The following DMXL2 variants were observed in gnomAD, a reference collection of about 807,000 sequenced individuals.
DMXL2 encodes dmX-like protein 2.
Under a neutral mutation model 331.1 loss-of-function variants are expected in DMXL2, and 103 were observed. The ratio of observed to expected loss-of-function variants is 0.31; its 90% CI spans 0.27 to 0.37. The LOEUF (loss-of-function observed/expected upper bound fraction) is 0.37. Ranked by LOEUF, DMXL2 falls within the 10% of genes least tolerant of loss-of-function variation. DMXL2 has a pLI of 1.00. For missense variants in DMXL2, 3,171 were observed against 3,642.9 expected (o/e 0.87, Z 3.33); for synonymous variants, 1,281 against 1,252.1 (o/e 1.02, Z -0.49).
intron 12 of DMXL2, 80 bp downstream of exon 12, chr15:51,536,083 GACA>G (rs1270895027): frequency 8.1e-7 from 1 of 1,234,292 alleles, no homozygotes; most frequent in East Asian, 2.6e-5. Context: ...AAATCTTAAT[GACA>G]ACAAATATAA....
Position 51,565,141 on chromosome 15 carries a change from G to T in DMXL2, c.311C>A (p.Thr104Asn). ...NCQLKCQWLK[T>N]GQFFLSSVTY... The stretch of plus-strand genomic sequence containing the variant: ...CACAGAACTCAAAAAAAACTGCCCA[G>T]TTTTAAGCCACTGGCACTTGAGTTG... Residue 104 changes from threonine to asparagine, a missense_variant, in exon 4 of 44, where the codon ACT becomes AAT. Thr to Asn is a moderately conservative substitution (Grantham distance 65). Coordinates refer to ENST00000560891, the MANE Select transcript of DMXL2 (RefSeq NM_001378457.1). The T allele has an allele frequency of 6.3e-7, 1 of 1,583,162 alleles. No individual in the cohort carries two copies.
At chr15:51,570,643 A>G (rs1289876022) in intron 2 of DMXL2, among the ~76,000 whole-genome samples, 1 of 152,192 alleles carries the variant, frequency 6.6e-6, no homozygotes. Flanking sequence ...AATATTCAAC[A>G]TTCTTAAAGA....
intron 9 of DMXL2, among the ~76,000 whole-genome samples, chr15:51,539,483 T>C (rs376879445): frequency 1.9e-4 from 29 of 152,282 alleles, no homozygotes; most frequent in African/African-American, 6.7e-4. Flanking sequence ...TTGAGGTAAC[T>C]GAAATTTATG....
At chr15:51,551,547 T>A (rs2049223487) in intron 6 of DMXL2, among the ~76,000 whole-genome samples, 1 of 152,106 alleles carries the variant, frequency 6.6e-6, no homozygotes, top group South Asian at 2.1e-4. Context: ...AGATACAGAT[T>A]TATTAAAGAG....
At position 51,466,286 on chromosome 15, in the gene DMXL2, C is replaced by G; in HGVS notation, c.7418G>C (p.Gly2473Ala). Reference sequence around the variant, plus strand: ...GCTTTCATCAGAATCATATATAACACCACTATCAGACAAAGGAAGAAATGG... The same window carrying G: ...GCTTTCATCAGAATCATATATAACAGCACTATCAGACAAAGGAAGAAATGG... ...AKPFLPLSDSGVIYDSDESIH... is the reference protein window; with the variant it reads ...AKPFLPLSDSAVIYDSDESIH... The change falls in exon 30 of 44, where the codon GGT (glycine) becomes GCT (alanine). Residue 2473 changes from glycine (G) to alanine (A), a missense_variant. By Grantham distance (60) the Gly-to-Ala change is moderately conservative. Around this residue, in one of 7 missense-constraint regions of DMXL2, gnomAD observed 766 missense variants for 940.5 expected, o/e 0.81. Coordinates refer to ENST00000560891, the MANE Select transcript of DMXL2 (RefSeq NM_001378457.1). 1.1e-5 allele frequency: 16 copies of G among 1,470,636 alleles called. No homozygotes were observed. Among genetic ancestry groups the G allele is most frequent in the Non-Finnish European group, 1.4e-5 (16 of 1,105,754 alleles). The allele number at this position is 1,470,636 out of a possible 1,614,324, so 91.1% of individuals were successfully genotyped here. A position where few individuals can be genotyped will look rare whatever the true frequency, so the allele number is the denominator to read the frequency against.
chr15:51,548,580 T>C (rs2049021906), intron 6 of DMXL2, among the ~76,000 whole-genome samples: 2 of 152,018 alleles, frequency 1.3e-5, no homozygotes, highest in African/African-American at 4.8e-5. Flanking sequence ...AACAAAGAAA[T>C]TCTACAGGTA....
At chr15:51,456,711 G>A (rs1268968839) in intron 37 of DMXL2, among the ~76,000 whole-genome samples, 1 of 152,206 alleles carries the variant, frequency 6.6e-6, no homozygotes, top group Non-Finnish European at 1.5e-5. Context: ...ACAGTGACAA[G>A]AATGTTACTG....
chr15:51,493,559 A>G (rs1472532615), intron 19 of DMXL2, among the ~76,000 whole-genome samples: 1 of 152,164 alleles, frequency 6.6e-6, no homozygotes, highest in African/African-American at 2.4e-5. Flanking sequence ...TGCTCTTCTC[A>G]GCTTTTCTAT....
chr15:51,518,643 T>TGGAGAG (rs1203753168), intron 13 of DMXL2, among the ~76,000 whole-genome samples: 5 of 152,200 alleles, frequency 3.3e-5, no homozygotes, highest in African/African-American at 1.2e-4. Context: ...CTGAATCACC[T>TGGAGAG]GGAGAGCTTT....
At chr15:51,598,641 T>A (rs1424271212) in intron 1 of DMXL2, among the ~76,000 whole-genome samples, 1 of 152,228 alleles carries the variant, frequency 6.6e-6, no homozygotes, top group Non-Finnish European at 1.5e-5. Context: ...TTATAGAATA[T>A]CTTAAAATGC....
intron 14 of DMXL2, among the ~76,000 whole-genome samples, chr15:51,516,036 A>G (rs1472841484): frequency 6.6e-6 from 1 of 152,206 alleles, no homozygotes; most frequent in African/African-American, 2.4e-5. Context: ...TATCTATATT[A>G]GCAGAAATGA....
At chr15:51,514,582 A>G in intron 14 of DMXL2, 23 bp from the exon 15 acceptor site, 13 of 1,459,670 alleles carry the variant, frequency 8.9e-6, no homozygotes, top group Non-Finnish European at 1.2e-5. Context: ...AAAAAAATGA[A>G]GAGGTTTTAT....
intron 1 of DMXL2, among the ~76,000 whole-genome samples, chr15:51,619,591 T>C (rs894642857): frequency 3.3e-5 from 5 of 152,208 alleles, no homozygotes; most frequent in African/African-American, 2.4e-5. Flanking sequence ...CAGCAAAATA[T>C]ATAACACACA....
At chr15:51,482,660 C>T (rs994405327) in intron 23 of DMXL2, among the ~76,000 whole-genome samples, 1 of 152,122 alleles carries the variant, frequency 6.6e-6, no homozygotes, top group Admixed American at 6.5e-5. Context: ...AGGAAATGTA[C>T]AAGATGACCC....
At chr15:51,456,027 A>G in intron 39 of DMXL2, 39 bp downstream of exon 39, 2 of 1,608,086 alleles carry the variant, frequency 1.2e-6, no homozygotes, top group South Asian at 2.2e-5. Flanking sequence ...ATCCACAACT[A>G]TTTTCAGATG....
intron 15 of DMXL2, among the ~76,000 whole-genome samples, chr15:51,513,244 T>C (rs2046857859): frequency 6.6e-6 from 1 of 152,170 alleles, no homozygotes; most frequent in African/African-American, 2.4e-5. Context: ...TATATAAGCA[T>C]TGAATTCTGG....
intron 13 of DMXL2, among the ~76,000 whole-genome samples, chr15:51,518,151 G>T (rs1203030987): frequency 1.3e-5 from 2 of 152,062 alleles, no homozygotes; most frequent in Admixed American, 6.6e-5. Context: ...TGGCCAACAT[G>T]GTGAAACCCC....
intron 9 of DMXL2, among the ~76,000 whole-genome samples, chr15:51,539,832 T>C (rs1380143485): frequency 1.3e-5 from 2 of 152,168 alleles, no homozygotes; most frequent in Non-Finnish European, 2.9e-5. Context: ...CTCCTTAATT[T>C]CAATCCATAT....
chr15:51,527,758 A>G (rs977605722), intron 13 of DMXL2, among the ~76,000 whole-genome samples: 1 of 152,016 alleles, frequency 6.6e-6, no homozygotes, highest in Non-Finnish European at 1.5e-5. Flanking sequence ...AAGGTACAAA[A>G]CTCACTGGTA....
Sources: gnomAD v4.1 joint callset for allele counts (sites outside exome capture counted in the v4.1 genomes callset) on GRCh38, gnomAD v4.1.1 for gene constraint, gnomAD v4.1.1 regional missense constraint, MANE v1.5 for transcripts, NCBI Gene and HGNC (gene_info 2026-07-23, HGNC 2026-07-21) for gene names.